The following RFX3 variants were observed in gnomAD, a reference collection of about 807,000 sequenced individuals.
The protein encoded by RFX3 is regulatory factor X3.
Under a neutral mutation model 98.6 loss-of-function variants are expected in RFX3, and 14 were observed. The ratio of observed to expected loss-of-function variants is 0.14; its 90% CI spans 0.09 to 0.22. The LOEUF is 0.22. Among genes scored for constraint, RFX3 ranks in the 10% least tolerant of loss-of-function variants. RFX3 has a pLI of 1.00. For missense variants in RFX3, 639 were observed against 926.9 expected (o/e 0.69, Z 4.03); for synonymous variants, 383 against 328.4 (o/e 1.17, Z -1.80).
chr9:3,413,319 TAA>T (rs1192812632), intron 1 of RFX3, among the ~76,000 whole-genome samples: 3 of 152,108 alleles, frequency 2.0e-5, no homozygotes, highest in African/African-American at 4.8e-5. Context: ...TGAAATACTA[TAA>T]GACTTAATAA....
intron 2 of RFX3, among the ~76,000 whole-genome samples, chr9:3,363,870 A>G (rs1425491048): frequency 6.6e-6 from 1 of 152,150 alleles, no homozygotes; most frequent in African/African-American, 2.4e-5. Context: ...TCATATACTA[A>G]AAACTTAACT....
rs542033614 is a variant in RFX3, at chr9:3,504,418, T to C, written c.-9+21329A>G. Among the ~76,000 whole-genome samples, 12 of 134,218 alleles carry C rather than the reference T, an allele frequency of 8.9e-5. No individual in the cohort carries two copies. The South Asian group carries it at 1.8e-3, about 20-fold the overall frequency. The allele number at this position is 134,218 out of a possible 152,430, so 88.1% of individuals were successfully genotyped here. A position where few individuals can be genotyped will look rare whatever the true frequency, so the allele number is the denominator to read the frequency against. ...TATTGTATATAAAATATATATTATA[T>C]ACCACATAGTATATATTGTATATAA... On this transcript the variant is annotated intron_variant, in intron 1 of 16. Coordinates refer to ENST00000617270, the MANE Select transcript of RFX3 (RefSeq NM_001282116.2).
chr9:3,346,029 C>A (rs914307780), intron 3 of RFX3, among the ~76,000 whole-genome samples: 1 of 152,150 alleles, frequency 6.6e-6, no homozygotes, highest in Non-Finnish European at 1.5e-5. Context: ...AATTTGGAAA[C>A]AATCCTTGCG....
At chr9:3,278,441 C>CT (rs966770766) in intron 7 of RFX3, among the ~76,000 whole-genome samples, 7 of 151,784 alleles carry the variant, frequency 4.6e-5, no homozygotes, top group East Asian at 3.9e-4. Flanking sequence ...GCCTCCCATT[C>CT]TTTTTTTTCC....
Position 3,414,975 on chromosome 9 carries a change from CACTTATATATACTCATATATAT to C in RFX3, c.-8-19401_-8-19380del, listed in dbSNP as rs1383153303. ...ATGTGTGTGTATATATTCATATATA[CACTTATATATACTCATATATAT>C]ACTTATATATACTCATATATATACT... is the stretch of plus-strand genomic sequence containing the variant. On this transcript the variant is annotated intron_variant, in intron 1 of 16. Transcript: ENST00000617270. 9.4e-3 allele frequency among the ~76,000 whole-genome samples: 1,252 copies of C among 132,634 alleles called. 26 individuals carry two copies. Among genetic ancestry groups the C allele is most frequent in the African/African-American group, 0.032 (1,160 of 36,064 alleles). 87.0% of individuals were successfully genotyped at this position (132,634 alleles called of 152,430 possible).
At chr9:3,473,068 A>C (rs1848922199) in intron 1 of RFX3, among the ~76,000 whole-genome samples, 1 of 152,224 alleles carries the variant, frequency 6.6e-6, no homozygotes, top group South Asian at 2.1e-4. Context: ...GAGGAGCAAC[A>C]GTTTCGATTC....
chr9:3,273,307 G>T (rs1042370826), intron 9 of RFX3, among the ~76,000 whole-genome samples: 1 of 152,054 alleles, frequency 6.6e-6, no homozygotes, highest in African/African-American at 2.4e-5. Flanking sequence ...GAGAGAGATG[G>T]TAGGAACACT....
intron 1 of RFX3, among the ~76,000 whole-genome samples, chr9:3,441,875 C>CA (rs1845637807): frequency 6.6e-6 from 1 of 151,846 alleles, no homozygotes; most frequent in South Asian, 2.1e-4. Context: ...GACTTGCTTC[C>CA]AAAAAACAGA....
intron 2 of RFX3, among the ~76,000 whole-genome samples, chr9:3,366,225 G>A (rs1377758926): frequency 1.3e-5 from 2 of 152,160 alleles, no homozygotes; most frequent in South Asian, 2.1e-4. Flanking sequence ...CCATAGGTGA[G>A]CATTTTATGC....
rs112562037 is a variant in RFX3, at chr9:3,348,420, G to A, written c.118-1656C>T. 4.3e-3 allele frequency among the ~76,000 whole-genome samples: 652 copies of A among 151,644 alleles called. 11 individuals carry two copies. Among genetic ancestry groups the A allele is most frequent in the African/African-American group, 0.015 (616 of 41,390 alleles). On this transcript the variant is annotated intron_variant, in intron 2 of 16. Transcript: ENST00000617270. ...TAATAGTATCCTGCTCCCTATCCAC[G>A]TTTCGCCTGAGGATATTAGTAGCCA...
intron 15 of RFX3, chr9:3,246,936 G>A (rs537477180): frequency 1.4e-4 from 64 of 466,032 alleles, no homozygotes; most frequent in African/African-American, 1.3e-3. Flanking sequence ...AGTTTGACAT[G>A]CATTTTATTT....
chr9:3,408,170 G>C (rs1206121695), intron 1 of RFX3, among the ~76,000 whole-genome samples: 1 of 152,144 alleles, frequency 6.6e-6, no homozygotes, highest in Non-Finnish European at 1.5e-5. Flanking sequence ...CTTTACATTT[G>C]ATCACAAATT....
At chr9:3,301,711 ACTT>A in intron 4 of RFX3, 91 bp from the exon 5 acceptor site, 1 of 874,238 alleles carries the variant, frequency 1.1e-6, no homozygotes, top group Non-Finnish European at 1.8e-6. Flanking sequence ...TTAAAGTCCA[ACTT>A]CTTCCTCAAC....
chr9:3,502,567 G>C lies in RFX3; in HGVS notation c.-9+23180C>G, dbSNP rs116170852. 5.6e-3 allele frequency among the ~76,000 whole-genome samples: 858 copies of C among 152,290 alleles called. 4 individuals carry two copies. Among genetic ancestry groups the C allele is most frequent in the African/African-American group, 0.02 (817 of 41,544 alleles). On this transcript the variant is annotated intron_variant, in intron 1 of 16. Transcript: ENST00000617270. ...CCATCTCACAGAACTTTCAGTCTTT[G>C]TGCAGTCAACACTAAATTTGAAAAA...
chr9:3,425,779 A>G (rs1219194358), intron 1 of RFX3, among the ~76,000 whole-genome samples: 2 of 152,220 alleles, frequency 1.3e-5, no homozygotes, highest in Non-Finnish European at 2.9e-5. Context: ...AATTATACAT[A>G]TACTAGACCA....
intron 1 of RFX3, among the ~76,000 whole-genome samples, chr9:3,449,303 C>T (rs888992688): frequency 6.6e-6 from 1 of 152,200 alleles, no homozygotes; most frequent in Admixed American, 6.5e-5. Flanking sequence ...CTACACTAAG[C>T]TCCATCCCTC....
intron 3 of RFX3, among the ~76,000 whole-genome samples, chr9:3,343,592 A>T (rs1249283401): frequency 6.6e-6 from 1 of 152,226 alleles, no homozygotes; most frequent in East Asian, 1.9e-4. Context: ...AAAATTTTCT[A>T]GTCCTATTTG....
At chr9:3,366,684 TCTTTCTTTC>T (rs1328299638) in intron 2 of RFX3, among the ~76,000 whole-genome samples, 1 of 134,218 alleles carries the variant, frequency 7.5e-6, no homozygotes, top group African/African-American at 3.0e-5. Flanking sequence ...CTTTCTTTCT[TCTTTCTTTC>T]CTTTCTTTCT....
chr9:3,368,240 TAAAA>T (rs200226655), intron 2 of RFX3, among the ~76,000 whole-genome samples: 1 of 152,082 alleles, frequency 6.6e-6, no homozygotes, highest in South Asian at 2.1e-4. Context: ...TTATATAATT[TAAAA>T]AAAGATATAT....
Sources: allele counts gnomAD v4.1 joint callset (sites outside exome capture counted in the v4.1 genomes callset), GRCh38; gene constraint gnomAD v4.1.1; transcripts MANE v1.5; gene names NCBI Gene and HGNC (gene_info 2026-07-23, HGNC 2026-07-21).